The following RORA variants were observed in gnomAD, a reference collection of about 807,000 sequenced individuals.
RORA encodes the protein nuclear receptor ROR-alpha.
In RORA, 7 loss-of-function variants were observed where a neutral mutation model predicts 69.5. The observed-to-expected ratio is 0.10, with a 90% CI of 0.06 to 0.19. The LOEUF is 0.19. Ranked by LOEUF, RORA falls within the 10% of genes least tolerant of loss-of-function variation. The pLI, the probability that RORA is intolerant of heterozygous loss-of-function variation, is 1.00. For synonymous variants in RORA, 261 were observed against 240.8 expected, an observed-to-expected ratio of 1.08 and a Z score of -0.78; for missense variants, 457 against 663.0, an observed-to-expected ratio of 0.69 and a Z score of 3.41.
intron 1 of RORA, among the ~76,000 whole-genome samples, chr15:60,862,706 T>G (rs1481273737): frequency 6.6e-6 from 1 of 152,152 alleles, no homozygotes; most frequent in Non-Finnish European, 1.5e-5. Flanking sequence ...TAGAACAGCT[T>G]CCCTTCCCAG....
chr15:60,803,656 T>C (rs2072618974), intron 1 of RORA, among the ~76,000 whole-genome samples: 1 of 152,144 alleles, frequency 6.6e-6, no homozygotes, highest in South Asian at 2.1e-4. Context: ...TGGGCCTCAG[T>C]TTCCCTAGCA....
intron 2 of RORA, among the ~76,000 whole-genome samples, chr15:60,564,687 T>C (rs2067665612): frequency 6.6e-6 from 1 of 152,264 alleles, no homozygotes; most frequent in African/African-American, 2.4e-5. Flanking sequence ...CCTTGACATG[T>C]TGAACTTTCA....
chr15:61,184,805 G>C (rs1409208783), intron 1 of RORA, among the ~76,000 whole-genome samples: 3 of 151,816 alleles, frequency 2.0e-5, no homozygotes, highest in African/African-American at 4.8e-5. Flanking sequence ...GGGCAACATA[G>C]TGAGACCCCT....
At chr15:60,863,914 C>CT (rs1216866822) in intron 1 of RORA, among the ~76,000 whole-genome samples, 1 of 151,770 alleles carries the variant, frequency 6.6e-6, no homozygotes, top group East Asian at 1.9e-4. Flanking sequence ...TCAAGCAATT[C>CT]TTCTTCCTCA....
At chr15:60,660,144 T>A (rs2070283113) in intron 2 of RORA, among the ~76,000 whole-genome samples, 1 of 152,224 alleles carries the variant, frequency 6.6e-6, no homozygotes, top group African/African-American at 2.4e-5. Flanking sequence ...TTTCACCCAA[T>A]TCACAATCCT....
intron 2 of RORA, among the ~76,000 whole-genome samples, chr15:60,575,202 C>A (rs1359012105): frequency 6.6e-6 from 1 of 152,198 alleles, no homozygotes; most frequent in Non-Finnish European, 1.5e-5. Flanking sequence ...TCTTAGAAGA[C>A]CTTCCTATTC....
At chr15:60,671,526 C>T (rs1456315330) in intron 2 of RORA, among the ~76,000 whole-genome samples, 1 of 151,968 alleles carries the variant, frequency 6.6e-6, no homozygotes, top group Non-Finnish European at 1.5e-5. Flanking sequence ...CCTGTAATCC[C>T]AGCACTTTGG....
intron 3 of RORA, among the ~76,000 whole-genome samples, chr15:60,526,988 G>A (rs1374868001): frequency 2.0e-5 from 3 of 152,070 alleles, no homozygotes; most frequent in Admixed American, 1.3e-4. Flanking sequence ...ATTTGTTAAC[G>A]CAGAGACATT....
chr15:60,843,989 T>G (rs1173492128), intron 1 of RORA, among the ~76,000 whole-genome samples: 1 of 151,834 alleles, frequency 6.6e-6, no homozygotes, highest in Non-Finnish European at 1.5e-5. Flanking sequence ...TTTCACATCT[T>G]CATTTACTTT....
chr15:60,602,574 A>G (rs1168343864), intron 2 of RORA, among the ~76,000 whole-genome samples: 1 of 152,230 alleles, frequency 6.6e-6, no homozygotes, highest in African/African-American at 2.4e-5. Flanking sequence ...CATGTTTTAT[A>G]TGTTCAGAGA....
At chr15:61,055,838 C>T (rs764443998) in intron 1 of RORA, among the ~76,000 whole-genome samples, 2 of 152,216 alleles carry the variant, frequency 1.3e-5, no homozygotes, top group East Asian at 1.9e-4. Context: ...AAATAATTAA[C>T]GTCATGACAC....
intron 1 of RORA, among the ~76,000 whole-genome samples, chr15:60,951,147 G>A (rs1397165347): frequency 1.3e-5 from 2 of 152,122 alleles, no homozygotes; most frequent in African/African-American, 4.8e-5. Context: ...ACTCAAAACT[G>A]CTCAACTACA....
intron 1 of RORA, among the ~76,000 whole-genome samples, chr15:61,090,323 G>C (rs2078687011): frequency 6.6e-6 from 1 of 152,150 alleles, no homozygotes; most frequent in African/African-American, 2.4e-5. Context: ...TCAGTTTTAT[G>C]ATTCTAAGTG....
Position 60,921,326 on chromosome 15 carries a change from C to T in RORA, c.167-242640G>A, listed in dbSNP as rs115817023. On this transcript the variant is annotated intron_variant, in intron 1 of 10. Coordinates refer to ENST00000335670, the MANE Select transcript of RORA (RefSeq NM_134261.3). ...TGGATCAATCATGGCACATTTCTACCGTGGAACACTACATAGCAATGAAAA... is the reference window on the plus strand; with the variant it reads ...TGGATCAATCATGGCACATTTCTACTGTGGAACACTACATAGCAATGAAAA... 6.8e-3 allele frequency among the ~76,000 whole-genome samples: 1,030 copies of T among 152,238 alleles called. 11 individuals carry two copies. Among genetic ancestry groups the T allele is most frequent in the African/African-American group, 0.024 (983 of 41,532 alleles).
At chr15:60,654,053 C>G (rs1400372082) in intron 2 of RORA, among the ~76,000 whole-genome samples, 2 of 152,148 alleles carry the variant, frequency 1.3e-5, no homozygotes, top group Non-Finnish European at 2.9e-5. Context: ...TGAAGGCCGC[C>G]TCTTTAGATA....
intron 2 of RORA, among the ~76,000 whole-genome samples, chr15:60,585,205 C>T (rs765454296): frequency 1.6e-4 from 25 of 152,092 alleles, no homozygotes; most frequent in Non-Finnish European, 3.7e-4. Context: ...CCTCAGATTC[C>T]GACACAGAAA....
chr15:60,790,000 T>C (rs540810943), intron 1 of RORA, among the ~76,000 whole-genome samples: 2 of 152,324 alleles, frequency 1.3e-5, no homozygotes, highest in Non-Finnish European at 2.9e-5. Flanking sequence ...CCGATAAGTG[T>C]TGAAGCCAGA....
intron 1 of RORA, among the ~76,000 whole-genome samples, chr15:60,763,037 A>T (rs1404986932): frequency 4.7e-5 from 7 of 149,114 alleles, no homozygotes; most frequent in Non-Finnish European, 8.9e-5. Flanking sequence ...TTAATTACAA[A>T]TAAAAGTACT....
intron 2 of RORA, among the ~76,000 whole-genome samples, chr15:60,554,814 GAA>G (rs982233552): frequency 2.6e-5 from 4 of 152,134 alleles, no homozygotes; most frequent in Non-Finnish European, 5.9e-5. Flanking sequence ...CACCCAAAGA[GAA>G]GAGAGAAGAG....
Sources: allele counts gnomAD v4.1 joint callset (sites outside exome capture counted in the v4.1 genomes callset), GRCh38; gene constraint gnomAD v4.1.1; transcripts MANE v1.5; gene names NCBI Gene and HGNC (gene_info 2026-07-23, HGNC 2026-07-21).